Variants in LRP1B observed in about 807,000 individuals in gnomAD.
The protein encoded by LRP1B is LDL receptor related protein 1B.
In LRP1B, 217 loss-of-function variants were observed where a neutral mutation model predicts 556.6. That is an observed-to-expected ratio of 0.39 (90% CI 0.35 to 0.44). LRP1B has a LOEUF of 0.44. Ranked by LOEUF, LRP1B falls within the 20% of genes least tolerant of loss-of-function variation. LRP1B has a pLI of 1.00. For synonymous variants in LRP1B, 2,047 were observed against 1,865.8 expected (o/e 1.10, Z -2.50); for missense variants, 5,053 against 5,620.8 (o/e 0.90, Z 3.23).
chr2:140,236,090 T>C (rs1223661956), intron 89 of LRP1B, among the ~76,000 whole-genome samples: 1 of 150,992 alleles, frequency 6.6e-6, no homozygotes, highest in Admixed American at 6.6e-5. Context: ...TTTTAATAAC[T>C]ATAAAATTAT....
intron 25 of LRP1B, among the ~76,000 whole-genome samples, chr2:140,876,854 T>C (rs561485498): frequency 1.4e-4 from 22 of 152,270 alleles, no homozygotes; most frequent in African/African-American, 5.3e-4. Context: ...CCAAGTATAA[T>C]AAAGCAAATC....
chr2:141,801,188 G>T (rs939753098), intron 2 of LRP1B, among the ~76,000 whole-genome samples: 1 of 152,128 alleles, frequency 6.6e-6, no homozygotes, highest in Non-Finnish European at 1.5e-5. Flanking sequence ...TTATATGCAT[G>T]TTTGGACGTA....
rs1200574576 is a variant in LRP1B at position 140,657,644 on chromosome 2, CATATATACATACAT to C, written c.6799+42592_6799+42605del. The stretch of plus-strand genomic sequence containing the variant: ...ATATATACATACATATATATACATA[CATATATACATACAT>C]ATATATACATACATATATATATAAA... On this transcript the variant is annotated intron_variant, in intron 41 of 90. Transcript: ENST00000389484. 8.9e-5 allele frequency among the ~76,000 whole-genome samples: 13 copies of C among 145,454 alleles called. No homozygotes were observed. The South Asian group carries it at 1.1e-3, about 12-fold the overall frequency.
Position 140,908,046 on chromosome 2 carries a change from A to G in LRP1B, c.3351T>C (p.Asp1117=), listed in dbSNP as rs1218585456. Residue 1117 remains aspartate (D), a synonymous_variant, in exon 22 of 91, where the codon GAT becomes GAC. Transcript: ENST00000389484. ...ACTGATCTTCGCAATCAATATCTCC[A>G]TCACACACCCATGCTTTGTTGATGC... is the stretch of plus-strand genomic sequence containing the variant. ...GRCINKAWVC[D]GDIDCEDQSD... 1.9e-6 allele frequency: 3 copies of G among 1,613,136 alleles called. No individual in the cohort carries two copies. The Admixed American group carries it at 5.0e-5, about 27-fold the overall frequency.
chr2:141,183,181 A>G (rs898008484), intron 7 of LRP1B, among the ~76,000 whole-genome samples: 1 of 152,022 alleles, frequency 6.6e-6, no homozygotes, highest in Non-Finnish European at 1.5e-5. Context: ...GTCCTACTGC[A>G]AGTGCATTAG....
At chr2:141,331,506 C>CCTTCTTTCTTTCTTTCT (rs1470900938) in intron 3 of LRP1B, among the ~76,000 whole-genome samples, 2 of 55,836 alleles carry the variant, frequency 3.6e-5, no homozygotes, top group African/African-American at 1.8e-4. Flanking sequence ...TTCTTTCCTT[C>CCTTCTTTCTTTCTTTCT]TTTCTTTCTT....
intron 69 of LRP1B, 90 bp downstream of exon 69, chr2:140,372,918 T>G: frequency 7.4e-7 from 1 of 1,346,996 alleles, no homozygotes; most frequent in Admixed American, 1.8e-5. Flanking sequence ...TATGACATAT[T>G]TGCCACTGTT....
At chr2:141,252,398 C>T (rs1413392838) in intron 4 of LRP1B, among the ~76,000 whole-genome samples, 1 of 152,084 alleles carries the variant, frequency 6.6e-6, no homozygotes, top group Non-Finnish European at 1.5e-5. Context: ...ATTTGTAAGG[C>T]ATTCATAAAC....
intron 18 of LRP1B, among the ~76,000 whole-genome samples, chr2:140,965,945 C>G (rs1342739027): frequency 6.6e-6 from 1 of 152,082 alleles, no homozygotes; most frequent in African/African-American, 2.4e-5. Flanking sequence ...TCTCTTAATC[C>G]AGTCTATCAC....
chr2:140,404,641 T>C (rs538586442), intron 66 of LRP1B, among the ~76,000 whole-genome samples: 15 of 152,146 alleles, frequency 9.9e-5, no homozygotes, highest in African/African-American at 1.4e-4. Context: ...AATGGAAGAA[T>C]AGATTTTTAA....
chr2:141,227,914 T>C (rs906110567), intron 6 of LRP1B, among the ~76,000 whole-genome samples: 2 of 152,130 alleles, frequency 1.3e-5, no homozygotes, highest in Admixed American at 1.3e-4. Context: ...ATTGTACACA[T>C]GTCTCTTCAT....
At chr2:140,336,143 G>A (rs1202141796) in intron 77 of LRP1B, among the ~76,000 whole-genome samples, 1 of 151,726 alleles carries the variant, frequency 6.6e-6, no homozygotes, top group East Asian at 1.9e-4. Flanking sequence ...ATTTTCCTTA[G>A]AGTAACCATA....
rs539438100 is a variant in LRP1B, at chr2:141,782,083, T to C, written c.205+28196A>G. Among the ~76,000 whole-genome samples the C allele has an allele frequency of 4.6e-5, 7 of 152,294 alleles. No homozygotes were observed. In the South Asian group the frequency reaches 8.3e-4, roughly 18 times the overall value. On this transcript the variant is annotated intron_variant, in intron 2 of 90. Coordinates refer to ENST00000389484, the MANE Select transcript of LRP1B (RefSeq NM_018557.3). ...CCTAATTGTAGTTTTTGGCTTGTCT[T>C]GTGATACTTAAATATTAAATTATTC...
intron 7 of LRP1B, among the ~76,000 whole-genome samples, chr2:141,129,876 G>C (rs1701306618): frequency 6.6e-6 from 1 of 151,028 alleles, no homozygotes; most frequent in African/African-American, 2.4e-5. Context: ...TGATTGTACT[G>C]TTCACATGGA....
chr2:141,874,720 A>G (rs963821212), intron 1 of LRP1B, among the ~76,000 whole-genome samples: 3 of 152,006 alleles, frequency 2.0e-5, no homozygotes, highest in African/African-American at 7.2e-5. Context: ...TGTGACCAGC[A>G]ACAAACTGTG....
intron 41 of LRP1B, among the ~76,000 whole-genome samples, chr2:140,620,445 G>A (rs969715182): frequency 1.8e-4 from 28 of 152,160 alleles, no homozygotes; most frequent in African/African-American, 6.5e-4. Flanking sequence ...TTTAGGAAAT[G>A]TTACATTTAT....
At chr2:141,638,417 C>T (rs1689181061) in intron 2 of LRP1B, among the ~76,000 whole-genome samples, 1 of 151,410 alleles carries the variant, frequency 6.6e-6, no homozygotes, top group Non-Finnish European at 1.5e-5. Context: ...TGCCTAGCCT[C>T]TGGTGTTTCT....
intron 25 of LRP1B, among the ~76,000 whole-genome samples, chr2:140,883,572 A>G: frequency 6.6e-6 from 1 of 151,362 alleles, no homozygotes; most frequent in East Asian, 1.9e-4. Context: ...AAAAAAAAAA[A>G]GACATTTTGA....
intron 7 of LRP1B, among the ~76,000 whole-genome samples, chr2:141,100,668 G>C (rs751823209): frequency 1.3e-5 from 2 of 152,158 alleles, no homozygotes; most frequent in Non-Finnish European, 2.9e-5. Flanking sequence ...TTCCTTGGAT[G>C]AATGTTTGTT....
Sources: allele counts gnomAD v4.1 joint callset (sites outside exome capture counted in the v4.1 genomes callset), GRCh38; gene constraint gnomAD v4.1.1; transcripts MANE v1.5; gene names NCBI Gene and HGNC (gene_info 2026-07-23, HGNC 2026-07-21).